SV2C: variants seen among roughly 807,000 people sequenced by gnomAD.
SV2C encodes the protein synaptic vesicle glycoprotein 2C.
In SV2C, 49 loss-of-function variants were observed where a neutral mutation model predicts 79.7. The ratio of observed to expected loss-of-function variants is 0.61; its 90% CI spans 0.49 to 0.78. SV2C has a LOEUF of 0.78. Ranked by LOEUF, SV2C falls within the 30% of genes least tolerant of loss-of-function variation. The pLI, the probability that SV2C is intolerant of heterozygous loss-of-function variation, is 0.00. For missense variants in SV2C, 833 were observed against 912.9 expected (o/e 0.91, Z 1.13); for synonymous variants, 334 against 333.2 (o/e 1.00, Z -0.03).
At chr5:75,876,695 T>G in the SV2C span, among the ~76,000 whole-genome samples, 3 of 152,080 alleles carry the variant, frequency 2.0e-5, no homozygotes, top group African/African-American at 7.2e-5. Flanking sequence ...AGAAATGGAA[T>G]AGAGCTATGT....
the SV2C span, among the ~76,000 whole-genome samples, chr5:75,997,604 T>C: frequency 2.6e-5 from 4 of 152,222 alleles, no homozygotes; most frequent in Non-Finnish European, 5.9e-5. Context: ...TCATCATCAC[T>C]GGCCATCAGA....
In SV2C at chr5:76,100,201, G is replaced by A. The variant is rs182300982; in HGVS notation, c.-102+16689G>A. ...GGGTCAACTGGAGGTCCAGTTTGGC[G>A]ACTTATTTGCTTATTAGCTCATAAG... On this transcript the variant is annotated intron_variant, in intron 1 of 12. Transcript: ENST00000502798. Among the ~76,000 whole-genome samples, 254 of 152,190 alleles carry A rather than the reference G, an allele frequency of 1.7e-3. 4 individuals carry two copies. Among genetic ancestry groups the A allele is most frequent in the Admixed American group, 0.01 (157 of 15,282 alleles).
intron 4 of SV2C, among the ~76,000 whole-genome samples, chr5:76,277,147 G>C (rs964894888): frequency 1.3e-5 from 2 of 152,184 alleles, no homozygotes; most frequent in African/African-American, 4.8e-5. Context: ...ATACACTACT[G>C]GTGGGAATTC....
the SV2C span, among the ~76,000 whole-genome samples, chr5:76,042,671 G>A: frequency 2.0e-5 from 3 of 152,130 alleles, no homozygotes; most frequent in African/African-American, 7.2e-5. Flanking sequence ...TGTCCTCCAT[G>A]GCTCTGCTCC....
At chr5:76,297,732 A>T (rs1747825254) in intron 9 of SV2C, among the ~76,000 whole-genome samples, 2 of 152,180 alleles carry the variant, frequency 1.3e-5, no homozygotes, top group Non-Finnish European at 2.9e-5. Context: ...TGCATTTTGA[A>T]CCAACACACG....
chr5:76,277,792 A>G (rs1388903886), intron 4 of SV2C, among the ~76,000 whole-genome samples: 1 of 152,090 alleles, frequency 6.6e-6, no homozygotes, highest in Non-Finnish European at 1.5e-5. Flanking sequence ...GCTATGTACA[A>G]TATGATTCCA....
intron 2 of SV2C, among the ~76,000 whole-genome samples, chr5:76,142,686 C>T (rs1180726258): frequency 6.6e-6 from 1 of 152,010 alleles, no homozygotes; most frequent in Admixed American, 6.6e-5. Flanking sequence ...GGCATGTTTT[C>T]CCCAAAGCAG....
intron 4 of SV2C, among the ~76,000 whole-genome samples, chr5:76,229,389 A>T (rs1271032684): frequency 6.6e-6 from 1 of 152,236 alleles, no homozygotes; most frequent in East Asian, 1.9e-4. Flanking sequence ...GGAGGGTAGT[A>T]AAATGGATGC....
chr5:76,263,909 T>C (rs1488050429), intron 4 of SV2C, among the ~76,000 whole-genome samples: 1 of 152,140 alleles, frequency 6.6e-6, no homozygotes, highest in Admixed American at 6.5e-5. Flanking sequence ...TGTCCTGGGG[T>C]TGCTGGTTGC....
chr5:75,856,134 G>A, the SV2C span, among the ~76,000 whole-genome samples: 3 of 152,178 alleles, frequency 2.0e-5, no homozygotes, highest in South Asian at 6.2e-4. Context: ...CATTCTTTTT[G>A]GGGCTGAATA....
chr5:75,884,489 G>A, the SV2C span, among the ~76,000 whole-genome samples: 1 of 152,068 alleles, frequency 6.6e-6, no homozygotes, highest in Non-Finnish European at 1.5e-5. Context: ...ATTAAAGGAA[G>A]ACTTGCCTTT....
At chr5:76,064,696 A>T in the SV2C span, among the ~76,000 whole-genome samples, 2 of 152,192 alleles carry the variant, frequency 1.3e-5, no homozygotes, top group African/African-American at 4.8e-5. Context: ...TTGTAGCAGA[A>T]ATCCAGTTTA....
chr5:76,234,971 G>A lies in SV2C; in HGVS notation c.913+25084G>A, dbSNP rs140833489. ...TGCGTTTGCTAAGACAGGGACATTC[G>A]ATCAGTTTAGATGGAAGAACTAACA... On this transcript the variant is annotated intron_variant, in intron 4 of 12. Transcript: ENST00000502798. Among the ~76,000 whole-genome samples, 304 of 152,262 alleles carry A rather than the reference G, an allele frequency of 2.0e-3. 1 individual carries two copies. Among genetic ancestry groups the A allele is most frequent in the African/African-American group, 6.8e-3 (283 of 41,532 alleles).
chr5:75,963,489 C>T, the SV2C span, among the ~76,000 whole-genome samples: 3,092 of 151,978 alleles, frequency 0.02, 91 homozygotes, highest in African/African-American at 0.068. Flanking sequence ...TTCTAAAATC[C>T]GATATTATTC....
the SV2C span, among the ~76,000 whole-genome samples, chr5:75,850,222 C>A: frequency 0.017 from 2,579 of 152,214 alleles, 72 homozygotes; most frequent in African/African-American, 0.053. Flanking sequence ...GTTAGACCAA[C>A]AAATGACTAT....
the SV2C span, among the ~76,000 whole-genome samples, chr5:76,058,207 T>C: frequency 2.7e-3 from 405 of 151,890 alleles, 3 homozygotes; most frequent in Non-Finnish European, 4.9e-3. Flanking sequence ...CCTAAAACTG[T>C]ATCTACACCT....
chr5:76,162,975 A>G (rs561134395), intron 2 of SV2C, among the ~76,000 whole-genome samples: 1 of 152,346 alleles, frequency 6.6e-6, no homozygotes, highest in East Asian at 1.9e-4. Context: ...AGCCCTTTAT[A>G]TCATGGAGCA....
At chr5:76,074,221 G>A in the SV2C span, among the ~76,000 whole-genome samples, 1 of 152,106 alleles carries the variant, frequency 6.6e-6, no homozygotes, top group Admixed American at 6.5e-5. Flanking sequence ...GCTTCTTCTG[G>A]GAAGCTGTAC....
intron 4 of SV2C, among the ~76,000 whole-genome samples, chr5:76,221,827 A>G (rs1316970393): frequency 6.6e-6 from 1 of 152,096 alleles, no homozygotes; most frequent in African/African-American, 2.4e-5. Context: ...AATCCTGGAG[A>G]CCTTGACATA....
Sources: gnomAD v4.1 joint callset for allele counts (sites outside exome capture counted in the v4.1 genomes callset) on GRCh38, gnomAD v4.1.1 for gene constraint, MANE v1.5 for transcripts, NCBI Gene and HGNC (gene_info 2026-07-23, HGNC 2026-07-21) for gene names.